The following ROBO2 variants were observed in gnomAD, a reference collection of about 807,000 sequenced individuals.
ROBO2 encodes the protein roundabout homolog 2.
Under a neutral mutation model 160.8 loss-of-function variants are expected in ROBO2, and 53 were observed. That is an observed-to-expected ratio of 0.33 (90% CI 0.26 to 0.41). ROBO2 has a LOEUF of 0.41. Ranked by LOEUF, ROBO2 falls within the 10% of genes least tolerant of loss-of-function variation. The probability of loss-of-function intolerance (pLI) is 1.00; values close to 1 mark genes in which losing one functional copy is unlikely to be tolerated. For missense variants in ROBO2, 1,577 were observed against 1,722.4 expected, an observed-to-expected ratio of 0.92 and a Z score of 1.49; for synonymous variants, 664 against 611.7, an observed-to-expected ratio of 1.09 and a Z score of -1.26.
At chr3:77,470,656 G>T (rs953405639) in intron 2 of ROBO2, among the ~76,000 whole-genome samples, 1 of 152,072 alleles carries the variant, frequency 6.6e-6, no homozygotes, top group Non-Finnish European at 1.5e-5. Flanking sequence ...ATTTTTAAAA[G>T]CAAGTCTAAA....
intron 2 of ROBO2, among the ~76,000 whole-genome samples, chr3:76,432,329 G>C (rs1034248574): frequency 6.6e-6 from 1 of 152,060 alleles, no homozygotes; most frequent in African/African-American, 2.4e-5. Flanking sequence ...AAGTATATTA[G>C]TTATATTTTG....
At chr3:76,915,927 A>G (rs2148959020) in intron 2 of ROBO2, among the ~76,000 whole-genome samples, 1 of 152,268 alleles carries the variant, frequency 6.6e-6, no homozygotes, top group African/African-American at 2.4e-5. Context: ...TTCTTGCTGT[A>G]TCCTCATACA....
intron 2 of ROBO2, among the ~76,000 whole-genome samples, chr3:75,979,643 A>C (rs1406765730): frequency 3.3e-5 from 5 of 151,686 alleles, no homozygotes; most frequent in African/African-American, 1.2e-4. Context: ...TGTCCAAAAT[A>C]AGTTGGGTGC....
rs116679446 is a variant in ROBO2 at position 76,651,139 on chromosome 3, C to A, written c.110-446875C>A. ...GTTGAAAAGCATGATGATTTTCAGG[C>A]ATGTATGCATTCAGGCACTCAAAAC... On this transcript the variant is annotated intron_variant, in intron 2 of 26. Coordinates refer to the ROBO2 transcript ENST00000487694. Among the ~76,000 whole-genome samples, 947 of 152,238 alleles carry A rather than the reference C, an allele frequency of 6.2e-3. 11 individuals are homozygous for A. Among genetic ancestry groups the A allele is most frequent in the African/African-American group, 0.022 (913 of 41,536 alleles).
chr3:77,437,127 G>A (rs940971524), intron 2 of ROBO2, among the ~76,000 whole-genome samples: 4 of 151,986 alleles, frequency 2.6e-5, no homozygotes, highest in Admixed American at 6.6e-5. Context: ...GACAAAGGAT[G>A]ACAGATTTTT....
chr3:77,646,990 A>G (rs1222838267), exon 26 of ROBO2: 1 of 152,570 alleles, frequency 6.6e-6, no homozygotes, highest in Admixed American at 6.6e-5. Context: ...ATCGTAATTA[A>G]GCTCTCCAAC....
chr3:77,190,654 T>C (rs962913642), intron 2 of ROBO2, among the ~76,000 whole-genome samples: 1 of 152,026 alleles, frequency 6.6e-6, no homozygotes, highest in Non-Finnish European at 1.5e-5. Context: ...TCTGGACTTT[T>C]ATCTTGGCTA....
rs1169307424 is a variant in ROBO2, at chr3:76,677,958, C to CTTTTTTTTTTTTTTTTTTTTTT, written c.110-420048_110-420027dup. ...TTCTCTCACAGAGAAAGAAAATATG[C>CTTTTTTTTTTTTTTTTTTTTTT]TTTTTTTTTTTTTTTTTTTTTTTTT... On this transcript the variant is annotated intron_variant, in intron 2 of 26. Coordinates refer to the ROBO2 transcript ENST00000487694. Among the ~76,000 whole-genome samples, 18 of 29,398 alleles carry CTTTTTTTTTTTTTTTTTTTTTT rather than the reference C, an allele frequency of 6.1e-4. 4 individuals are homozygous for CTTTTTTTTTTTTTTTTTTTTTT. The highest frequency in any genetic ancestry group is 1.0e-3 in the African/African-American group (8 of 7,664). 19.3% of individuals were successfully genotyped at this position (29,398 alleles called of 152,430 possible). A position where few individuals can be genotyped will look rare whatever the true frequency, so the allele number is the denominator to read the frequency against.
chr3:77,557,439 A>G (rs1340816134), intron 8 of ROBO2, among the ~76,000 whole-genome samples: 1 of 151,966 alleles, frequency 6.6e-6, no homozygotes, highest in Non-Finnish European at 1.5e-5. Flanking sequence ...TTTAGCCTGT[A>G]TAAATACAGC....
intron 2 of ROBO2, among the ~76,000 whole-genome samples, chr3:77,457,181 G>T (rs1316227345): frequency 6.6e-6 from 1 of 152,162 alleles, no homozygotes; most frequent in African/African-American, 2.4e-5. Flanking sequence ...GGGCTGGACT[G>T]CTTTTCTTTT....
chr3:76,938,470 C>T (rs549778589), intron 2 of ROBO2, among the ~76,000 whole-genome samples: 1 of 151,930 alleles, frequency 6.6e-6, no homozygotes, highest in African/African-American at 2.4e-5. Context: ...TAGGGTAGAG[C>T]CCTACAAAAC....
chr3:77,310,746 A>T (rs1580948340), intron 2 of ROBO2, among the ~76,000 whole-genome samples: 3 of 152,102 alleles, frequency 2.0e-5, no homozygotes, highest in Admixed American at 2.0e-4. Flanking sequence ...ATAATTTAGA[A>T]CAACCCTGTA....
chr3:76,766,228 A>G (rs1006562472), intron 2 of ROBO2, among the ~76,000 whole-genome samples: 1 of 151,632 alleles, frequency 6.6e-6, no homozygotes, highest in Non-Finnish European at 1.5e-5. Flanking sequence ...AAATTTGCGT[A>G]CACTCCTACC....
intron 2 of ROBO2, among the ~76,000 whole-genome samples, chr3:77,400,952 A>C (rs954079009): frequency 6.6e-6 from 1 of 152,132 alleles, no homozygotes; most frequent in Non-Finnish European, 1.5e-5. Context: ...AACATTATGC[A>C]TACAATTTTT....
chr3:76,395,382 G>T (rs1357839438), intron 2 of ROBO2, among the ~76,000 whole-genome samples: 5 of 148,662 alleles, frequency 3.4e-5, no homozygotes, highest in African/African-American at 1.3e-4. Context: ...CAGGAAAGAT[G>T]CAAAATTGAC....
intron 2 of ROBO2, among the ~76,000 whole-genome samples, chr3:76,161,036 A>C (rs565888599): frequency 1.3e-5 from 2 of 152,310 alleles, no homozygotes; most frequent in South Asian, 4.1e-4. Context: ...GTAAACCTAA[A>C]GGAAAACACA....
rs577716568 is a variant in ROBO2 at position 77,199,086 on chromosome 3, C to T, written c.388+100746C>T. Among the ~76,000 whole-genome samples, 30 of 152,148 alleles carry T rather than the reference C, an allele frequency of 2.0e-4. 1 individual carries two copies. In the East Asian group the frequency reaches 5.8e-3, roughly 29 times the overall value. On this transcript the variant is annotated intron_variant, in intron 2 of 25. Coordinates refer to ENST00000461745, the Ensembl canonical transcript of ROBO2. The stretch of plus-strand genomic sequence containing the variant: ...GTGATACATACAAATGACATTGTAA[C>T]CAACAGCAATGATTCCCAGCAGGAT...
chr3:76,076,590 A>T (rs900464748), intron 2 of ROBO2, among the ~76,000 whole-genome samples: 1 of 152,194 alleles, frequency 6.6e-6, no homozygotes, highest in Non-Finnish European at 1.5e-5. Context: ...CAAGCTATAA[A>T]ATTAATTTTA....
intron 2 of ROBO2, among the ~76,000 whole-genome samples, chr3:76,871,370 C>T (rs2072043289): frequency 6.6e-6 from 1 of 151,166 alleles, no homozygotes; most frequent in Admixed American, 6.6e-5. Context: ...CCGGCTAAAA[C>T]GGTGAAACCC....
Sources: gnomAD v4.1 joint callset for allele counts (sites outside exome capture counted in the v4.1 genomes callset) on GRCh38, gnomAD v4.1.1 for gene constraint, MANE v1.5 for transcripts, NCBI Gene and HGNC (gene_info 2026-07-23, HGNC 2026-07-21) for gene names.